Variants in ATP8A2 observed in about 807,000 individuals in gnomAD.
The protein encoded by ATP8A2 is ATPase phospholipid transporting 8A2.
ATP8A2 carries 100 observed loss-of-function variants against 165.6 expected under a neutral mutation model. The ratio of observed to expected loss-of-function variants is 0.60; its 90% CI spans 0.51 to 0.71. The LOEUF is 0.71. Ranked by LOEUF, ATP8A2 falls within the 30% of genes least tolerant of loss-of-function variation. ATP8A2 has a pLI of 0.00. For missense variants in ATP8A2, 1,227 were observed against 1,479.5 expected (o/e 0.83, Z 2.80); for synonymous variants, 543 against 548.8 (o/e 0.99, Z 0.15).
chr13:25,879,067 G>A (rs1004464882), intron 33 of ATP8A2, among the ~76,000 whole-genome samples: 1 of 152,220 alleles, frequency 6.6e-6, no homozygotes, highest in Non-Finnish European at 1.5e-5. Flanking sequence ...GCATGTGGAC[G>A]GGGCAGGAGA....
At chr13:25,853,003 A>G (rs2138718346) in intron 30 of ATP8A2, among the ~76,000 whole-genome samples, 1 of 152,358 alleles carries the variant, frequency 6.6e-6, no homozygotes, top group South Asian at 2.1e-4. Flanking sequence ...ATATGCACAT[A>G]ATTATACTAT....
intron 2 of ATP8A2, among the ~76,000 whole-genome samples, chr13:25,506,623 C>T (rs9578873): frequency 0.022 from 3,407 of 152,276 alleles, 56 homozygotes; most frequent in African/African-American, 0.044. Flanking sequence ...CTTCCCGGAT[C>T]GAGGTGCCCA....
chr13:25,597,796 A>G (rs1367269468), intron 24 of ATP8A2, among the ~76,000 whole-genome samples: 2 of 152,218 alleles, frequency 1.3e-5, no homozygotes, highest in Admixed American at 1.3e-4. Context: ...AATTTCTGTT[A>G]ATATGTTTCA....
intron 35 of ATP8A2, among the ~76,000 whole-genome samples, chr13:25,976,258 T>G (rs567044844): frequency 6.6e-6 from 1 of 152,278 alleles, no homozygotes; most frequent in South Asian, 2.1e-4. Context: ...TGCCATGGAC[T>G]TATTCATTAT....
At chr13:25,397,300 A>G (rs2033461933) in intron 1 of ATP8A2, among the ~76,000 whole-genome samples, 1 of 152,214 alleles carries the variant, frequency 6.6e-6, no homozygotes, top group Admixed American at 6.5e-5. Flanking sequence ...GTGAAAGTCC[A>G]CATGAATTAT....
chr13:25,630,432 G>A (rs1183565038), intron 24 of ATP8A2, among the ~76,000 whole-genome samples: 1 of 152,084 alleles, frequency 6.6e-6, no homozygotes, highest in Non-Finnish European at 1.5e-5. Context: ...GCATTTATTT[G>A]TTGTGACACT....
intron 33 of ATP8A2, chr13:25,863,443 A>T (rs1952412891): frequency 6.6e-6 from 1 of 152,138 alleles, no homozygotes; most frequent in African/African-American, 2.4e-5. Context: ...CACTGAGTAG[A>T]TGATGTTTGC....
chr13:25,859,929 T>C (rs1486775502), intron 30 of ATP8A2, among the ~76,000 whole-genome samples: 1 of 152,194 alleles, frequency 6.6e-6, no homozygotes, highest in African/African-American at 2.4e-5. Context: ...ATTTTAATGT[T>C]TACAAAAATG....
At chr13:25,982,275 A>G (rs1043169341) in intron 35 of ATP8A2, among the ~76,000 whole-genome samples, 1 of 152,180 alleles carries the variant, frequency 6.6e-6, no homozygotes, top group South Asian at 2.1e-4. Context: ...TCTTTTCACC[A>G]TCCTCACAAA....
intron 35 of ATP8A2, among the ~76,000 whole-genome samples, chr13:25,991,543 C>T (rs1956393978): frequency 6.6e-6 from 1 of 152,194 alleles, no homozygotes; most frequent in African/African-American, 2.4e-5. Flanking sequence ...TAACTGTTCT[C>T]CATTTCTATG....
Position 25,372,343 on chromosome 13 carries a change from G to C in ATP8A2, c.76+55G>C. On this transcript the variant is annotated intron_variant, in intron 1 of 36. Coordinates refer to ENST00000381655, the MANE Select transcript of ATP8A2 (RefSeq NM_016529.6). This position sits in a 1 kb window ranked among gnomAD's most constrained non-coding sequence, Gnocchi z 4.8. ...GTGGGCCCGGGGCGGGGGCGGCGCG[G>C]GGCGCGCCTGCGGTTATGCGACACT... 7.6e-7 allele frequency: 1 copy of C among 1,318,748 alleles called. No individual in the cohort carries two copies. The highest frequency in any genetic ancestry group is 3.1e-5 in the Admixed American group (1 of 32,126). 81.7% of individuals were successfully genotyped at this position (1,318,748 alleles called of 1,614,324 possible). A position where few individuals can be genotyped will look rare whatever the true frequency, so the allele number is the denominator to read the frequency against.
chr13:25,676,130 G>C (rs543103739), intron 24 of ATP8A2, among the ~76,000 whole-genome samples: 3 of 152,228 alleles, frequency 2.0e-5, no homozygotes, highest in East Asian at 3.9e-4. Flanking sequence ...TATTCTAATA[G>C]GTAGGCAGTG....
intron 33 of ATP8A2, among the ~76,000 whole-genome samples, chr13:25,935,294 G>A (rs539293552): frequency 3.9e-5 from 6 of 152,154 alleles, no homozygotes; most frequent in African/African-American, 1.2e-4. Flanking sequence ...TTCTACCTTG[G>A]TACAGCAAGC....
At position 25,671,432 on chromosome 13, in the gene ATP8A2, G is replaced by A. The variant is rs374549645; in HGVS notation, c.2212-27741G>A. Among the ~76,000 whole-genome samples the A allele has an allele frequency of 1.6e-3, 241 of 152,262 alleles. 2 individuals are homozygous for A. The highest frequency in any genetic ancestry group is 0.011 in the South Asian group (55 of 4,820). ...AACTCTGACCGCCGGTGAGCCAGGC[G>A]GAACAGAGCCATATTTCTCTTCTTT... On this transcript the variant is annotated intron_variant, in intron 24 of 36. Transcript: ENST00000381655.
intron 15 of ATP8A2, among the ~76,000 whole-genome samples, chr13:25,562,040 C>G (rs960373151): frequency 2.0e-5 from 3 of 152,218 alleles, no homozygotes; most frequent in African/African-American, 7.2e-5. Flanking sequence ...ATTTGTGTTG[C>G]TTCCACCTTT....
At chr13:25,559,936 T>A (rs886577639) in intron 15 of ATP8A2, among the ~76,000 whole-genome samples, 171 bp downstream of exon 15, 1 of 152,170 alleles carries the variant, frequency 6.6e-6, no homozygotes, top group Non-Finnish European at 1.5e-5. Context: ...CAAGTGATCC[T>A]CCTGCCTCAG....
chr13:25,465,783 C>CTCTTTCTT (rs1229991253), intron 1 of ATP8A2, among the ~76,000 whole-genome samples: 1,050 of 93,658 alleles, frequency 0.011, 156 homozygotes, highest in African/African-American at 0.016. Context: ...CTCTCTTTCT[C>CTCTTTCTT]TCTTTCTTTC....
intron 1 of ATP8A2, among the ~76,000 whole-genome samples, chr13:25,395,814 G>A (rs956553358): frequency 2.6e-5 from 4 of 151,982 alleles, no homozygotes; most frequent in African/African-American, 4.8e-5. Context: ...TAGAATTACA[G>A]GCACGAGCCA....
intron 2 of ATP8A2, among the ~76,000 whole-genome samples, chr13:25,520,697 T>A (rs2037641212): frequency 6.6e-6 from 1 of 150,858 alleles, no homozygotes; most frequent in Non-Finnish European, 1.5e-5. Flanking sequence ...GCTTCTCAGG[T>A]TCCACACCAT....
Sources: allele counts gnomAD v4.1 joint callset (sites outside exome capture counted in the v4.1 genomes callset), GRCh38; gene constraint gnomAD v4.1.1; non-coding constraint Gnocchi (gnomAD v3.1); transcripts MANE v1.5; gene names NCBI Gene and HGNC (gene_info 2026-07-23, HGNC 2026-07-21).